Variants in PRPF39 observed in about 807,000 individuals in gnomAD.
PRPF39 encodes pre-mRNA processing factor 39, also known as pre-mRNA-processing factor 39.
A neutral mutation model predicts 82.1 loss-of-function variants in PRPF39; 27 were observed. The observed-to-expected ratio is 0.33, with a 90% CI of 0.24 to 0.45. The LOEUF (loss-of-function observed/expected upper bound fraction) is 0.45, where lower values mean the gene tolerates loss of function less well. Ranked by LOEUF, PRPF39 falls within the 20% of genes least tolerant of loss-of-function variation. The probability of loss-of-function intolerance (pLI) is 1.00; values close to 1 mark genes in which losing one functional copy is unlikely to be tolerated. For missense variants in PRPF39, 581 were observed against 796.9 expected (o/e 0.73, Z 3.26); for synonymous variants, 261 against 256.4 (o/e 1.02, Z -0.17).
intron 11 of PRPF39, 65 bp from the exon 12 acceptor site, chr14:45,114,118 C>T: frequency 8.0e-7 from 1 of 1,242,282 alleles, no homozygotes; most frequent in Non-Finnish European, 1.1e-6. Context: ...GTAAAAACAA[C>T]TTTAAATATT....
chr14:45,096,211 A>C lies in PRPF39; in HGVS notation c.433A>C (p.Ile145Leu). Residue 145 changes from isoleucine (I) to leucine (L), a missense_variant, in exon 3 of 14, where the codon ATT becomes CTT. Ile to Leu is a conservative substitution (Grantham distance 5). Transcript: ENST00000355765. ...AGACCTTGAAAAGCGGCACGACAAC[A>C]TTAAACCATCAGATGAGGTGCGTAC... ...YADLEKRHDNIKPSDEVYRRG... is the reference protein window; with the variant it reads ...YADLEKRHDNLKPSDEVYRRG... 6.3e-7 allele frequency: 1 copy of C among 1,593,790 alleles called. No individual in the cohort carries two copies. The highest frequency in any genetic ancestry group is 1.7e-4 in the Middle Eastern group (1 of 6,038).
chr14:45,095,972 C>A (rs375831104), intron 2 of PRPF39, 131 bp from the exon 3 acceptor site: 2 of 720,928 alleles, frequency 2.8e-6, no homozygotes, highest in Non-Finnish European at 2.1e-6. Context: ...ATCGGCAGAG[C>A]AGCCTGCATG....
intron 5 of PRPF39, 87 bp from the exon 6 acceptor site, chr14:45,107,364 C>T: frequency 9.9e-7 from 1 of 1,014,026 alleles, no homozygotes; most frequent in Non-Finnish European, 1.4e-6. Context: ...AAATCAAATC[C>T]TTTGAAAGAG....
intron 4 of PRPF39, among the ~76,000 whole-genome samples, chr14:45,098,610 C>A (rs907373530): frequency 6.6e-6 from 1 of 152,078 alleles, no homozygotes; most frequent in Non-Finnish European, 1.5e-5. Context: ...TTCATACTCT[C>A]CAGCAGCTTT....
chr14:45,104,306 T>G (rs888748960), intron 5 of PRPF39, among the ~76,000 whole-genome samples: 1 of 152,234 alleles, frequency 6.6e-6, no homozygotes, highest in African/African-American at 2.4e-5. Context: ...TATTTTTCAC[T>G]TAATGCATTT....
chr14:45,095,072 T>C, intron 1 of PRPF39, 149 bp from the exon 2 acceptor site: 3 of 470,698 alleles, frequency 6.4e-6, no homozygotes, highest in Non-Finnish European at 7.5e-6. Context: ...TAAAAACTAA[T>C]GAACCTTCTG....
chr14:45,109,451 G>A (rs769241624), intron 7 of PRPF39, among the ~76,000 whole-genome samples, 165 bp from the exon 8 acceptor site: 2 of 152,072 alleles, frequency 1.3e-5, no homozygotes, highest in Non-Finnish European at 2.9e-5. Flanking sequence ...TGTTTGTAAA[G>A]CTTAAGGAAT....
chr14:45,091,904 C>G (rs902286775), intron 1 of PRPF39, among the ~76,000 whole-genome samples: 8 of 152,134 alleles, frequency 5.3e-5, no homozygotes, highest in Admixed American at 2.6e-4. Flanking sequence ...GTAGTTTAAA[C>G]AAATAGGAAT....
At chr14:45,103,024 G>A (rs1884422143) in intron 5 of PRPF39, among the ~76,000 whole-genome samples, 1 of 152,024 alleles carries the variant, frequency 6.6e-6, no homozygotes, top group African/African-American at 2.4e-5. Context: ...TTTATTTATG[G>A]CATTAAATTG....
In PRPF39 at chr14:45,096,956, A is replaced by G; in HGVS notation, c.520A>G (p.Lys174Glu). Reference protein sequence around the residue: ...DLWIHYINFLKETLDPGDPET... With the variant: ...DLWIHYINFLEETLDPGDPET... ...TTGGATACATTATATAAACTTCTTA[A>G]AAGAAACATTGGACCCTGGTGATCC... Residue 174 changes from lysine to glutamate, a missense_variant, in exon 4 of 14, where the codon AAA (lysine) becomes GAA (glutamate). Lys to Glu is a moderately conservative substitution (Grantham distance 56, BLOSUM62 1). Transcript: ENST00000355765. 6.4e-7 allele frequency: 1 copy of G among 1,554,226 alleles called. No individual in the cohort carries two copies. The highest frequency in any genetic ancestry group is 1.2e-5 in the South Asian group (1 of 83,696).
At chr14:45,093,934 G>GT (rs761060019) in intron 1 of PRPF39, among the ~76,000 whole-genome samples, 2 of 151,958 alleles carry the variant, frequency 1.3e-5, no homozygotes, top group South Asian at 2.1e-4. Flanking sequence ...ACAAATACAT[G>GT]TTTTTTCTGA....
intron 1 of PRPF39, among the ~76,000 whole-genome samples, chr14:45,085,037 T>G (rs1883777131): frequency 6.6e-6 from 1 of 152,152 alleles, no homozygotes; most frequent in Non-Finnish European, 1.5e-5. Flanking sequence ...AGCAACTGAT[T>G]TAATCTGTTC....
At position 45,110,869 on chromosome 14, in the gene PRPF39, G is replaced by C. The variant is rs147657088; in HGVS notation, c.1572+52G>C. ...CTTCTATTAAAAAAACCAGTGGTCA[G>C]TGTATTTTCACTGTGGCAACTGTGA... On this transcript the variant is annotated intron_variant, in intron 10 of 13. Transcript: ENST00000355765. This position sits in a 1 kb window ranked among gnomAD's most constrained non-coding sequence, Gnocchi z 4.0. The C allele has an allele frequency of 2.1e-6, 3 of 1,459,742 alleles. No individual in the cohort carries two copies. In the African/African-American group the frequency reaches 4.3e-5, roughly 21 times the overall value. 90.4% of individuals were successfully genotyped at this position (1,459,742 alleles called of 1,614,324 possible).
intron 11 of PRPF39, 80 bp from the exon 12 acceptor site, chr14:45,114,103 C>G: frequency 1.6e-5 from 17 of 1,070,292 alleles, no homozygotes; most frequent in Non-Finnish European, 2.2e-5. Context: ...TAGGCAGTTT[C>G]CTAAGTAAAA....
rs780204024 is a variant in PRPF39, at chr14:45,102,658, T to G, written c.699T>G (p.Leu233=). Residue 233 remains leucine (L), a synonymous_variant, in exon 5 of 14, where the codon CTT becomes CTG. Transcript: ENST00000355765. ...TTACAGCTATATATGATCGTATTCT[T>G]GGTATTCCAACACAGCTGTATAGTC... ...REVTAIYDRI[L]GIPTQLYSHH... is the part of the protein sequence containing the mutation. 4.0e-5 allele frequency: 65 copies of G among 1,610,506 alleles called. No homozygotes were observed. The highest frequency in any genetic ancestry group is 5.5e-5 in the Non-Finnish European group (65 of 1,178,578).
rs1248753906 is a variant in PRPF39, at chr14:45,096,305, T to G, written c.450+77T>G. 37 of 1,497,034 alleles carry G rather than the reference T, an allele frequency of 2.5e-5. No individual in the cohort carries two copies. The Admixed American group carries it at 9.0e-4, about 37-fold the overall frequency. The allele number at this position is 1,497,034 out of a possible 1,614,324, so 92.7% of individuals were successfully genotyped here. A position where few individuals can be genotyped will look rare whatever the true frequency, so the allele number is the denominator to read the frequency against. On this transcript the variant is annotated intron_variant, in intron 3 of 13. Coordinates refer to ENST00000355765, the MANE Select transcript of PRPF39 (RefSeq NM_017922.4). ...AATAACAAAACAAAGATTTTTTTTT[T>G]TTTTTTTTTTTGGCTGGCAGTACCT...
chr14:45,112,563 G>A, intron 11 of PRPF39, 61 bp downstream of exon 11: 2 of 1,367,306 alleles, frequency 1.5e-6, no homozygotes, highest in Non-Finnish European at 1.9e-6. Context: ...TTTTGTATGG[G>A]GATTTGATGA....
At position 45,096,148 on chromosome 14, in the gene PRPF39, C is replaced by T; in HGVS notation, c.370C>T (p.His124Tyr). Reference sequence around the variant, plus strand: ...GAAGGCATTTGACAGATTTTTCATACACTATCCGTATTGCTATGGTTACTG... The same window carrying T: ...GAAGGCATTTGACAGATTTTTCATATACTATCCGTATTGCTATGGTTACTG... ...ARKAFDRFFI[H>Y]YPYCYGYWKK... Residue 124 changes from histidine to tyrosine, a missense_variant, in exon 3 of 14, where the codon CAC becomes TAC. Coordinates refer to ENST00000355765, the MANE Select transcript of PRPF39 (RefSeq NM_017922.4). The T allele has an allele frequency of 1.9e-6, 3 of 1,585,724 alleles. No individual in the cohort carries two copies. Among genetic ancestry groups the T allele is most frequent in the Non-Finnish European group, 2.6e-6 (3 of 1,164,710 alleles).
chr14:45,116,230 T>C lies in PRPF39; in HGVS notation c.*1317T>C. 1 of 1,613,142 alleles carries C rather than the reference T, an allele frequency of 6.2e-7. No homozygotes were observed. Among genetic ancestry groups the C allele is most frequent in the Non-Finnish European group, 8.5e-7 (1 of 1,179,242 alleles). On this transcript the variant is annotated 3_prime_UTR_variant, in exon 14 of 14. Transcript: ENST00000355765. ...ATATCCACTAATTCCACTTCAAAAG[T>C]GAGTTTTGCATTTGGTGGAATTCTG... is the stretch of plus-strand genomic sequence containing the variant.
Sources: allele counts gnomAD v4.1 joint callset (sites outside exome capture counted in the v4.1 genomes callset), GRCh38; gene constraint gnomAD v4.1.1; non-coding constraint Gnocchi (gnomAD v3.1); transcripts MANE v1.5; gene names NCBI Gene and HGNC (gene_info 2026-07-23, HGNC 2026-07-21).